Variants in NUDT4 observed in about 807,000 individuals in gnomAD.
NUDT4 encodes the protein diphosphoinositol polyphosphate phosphohydrolase 2.
Under a neutral mutation model 23.1 loss-of-function variants are expected in NUDT4, and 5 were observed. The observed-to-expected ratio is 0.22, with a 90% CI of 0.11 to 0.46. The LOEUF (loss-of-function observed/expected upper bound fraction) is 0.46. Ranked by LOEUF, NUDT4 falls within the 20% of genes least tolerant of loss-of-function variation. The probability of loss-of-function intolerance (pLI) is 0.99; values close to 1 mark genes in which losing one functional copy is unlikely to be tolerated. For synonymous variants in NUDT4, 50 were observed against 79.0 expected (o/e 0.63, Z 1.95); for missense variants, 96 against 211.6 (o/e 0.45, Z 3.39).
chr12:93,390,553 C>G (rs1197667917), intron 1 of NUDT4, among the ~76,000 whole-genome samples: 2 of 151,796 alleles, frequency 1.3e-5, no homozygotes, highest in African/African-American at 4.9e-5. Flanking sequence ...TTTTAATTTT[C>G]TTTTTCTAAT....
Position 93,378,333 on chromosome 12 carries a change from T to G in NUDT4, c.11T>G (p.Phe4Cys). 6.7e-7 allele frequency: 1 copy of G among 1,483,572 alleles called. No individual in the cohort carries two copies. Among genetic ancestry groups the G allele is most frequent in the Non-Finnish European group, 9.1e-7 (1 of 1,099,756 alleles). The allele number at this position is 1,483,572 out of a possible 1,614,324, so 91.9% of individuals were successfully genotyped here. The change falls in exon 1 of 5, where the codon TTC becomes TGC. Residue 4 changes from phenylalanine (F) to cysteine (C), a missense_variant. Coordinates refer to ENST00000415493, the MANE Select transcript of NUDT4 (RefSeq NM_019094.6). ...CAGGAGCCCGCCTCTATGATGAAGTTCAAGCCCAACCAGACGCGGACCTAC... is the reference window on the plus strand; with the variant it reads ...CAGGAGCCCGCCTCTATGATGAAGTGCAAGCCCAACCAGACGCGGACCTAC... MMK[F>C]KPNQTRTYDR...
chr12:93,394,758 TA>T (rs1645645892), intron 2 of NUDT4, 39 bp downstream of exon 2: 2 of 1,316,074 alleles, frequency 1.5e-6, no homozygotes, highest in Admixed American at 3.9e-5. Flanking sequence ...TTCGGAGTTT[TA>T]AAAACAAGGC....
chr12:93,393,158 A>C (rs1192498389), intron 1 of NUDT4, among the ~76,000 whole-genome samples: 2 of 128,346 alleles, frequency 1.6e-5, no homozygotes, highest in African/African-American at 6.2e-5. Context: ...GCAGTGGTGC[A>C]ATCTCTGCTC....
At position 93,399,568 on chromosome 12, in the gene NUDT4, A is replaced by G; in HGVS notation, c.*189A>G. ...AAAAAATAGTGTAAAATATTTTAAT[A>G]AGCCAAAGCCATGTGGAATTTTTGT... On this transcript the variant is annotated 3_prime_UTR_variant, in exon 5 of 5. Transcript: ENST00000415493. 3.3e-6 allele frequency: 1 copy of G among 305,780 alleles called. No homozygotes were observed. Among genetic ancestry groups the G allele is most frequent in the East Asian group, 5.9e-5 (1 of 16,818 alleles). 18.9% of individuals were successfully genotyped at this position (305,780 alleles called of 1,614,324 possible). A position where few individuals can be genotyped will look rare whatever the true frequency, so the allele number is the denominator to read the frequency against.
Position 93,407,934 on chromosome 12 carries a change from C to T in NUDT4, c.*8555C>T, listed in dbSNP as rs552227686. The T allele has an allele frequency of 6.6e-6, 1 of 152,266 alleles. No homozygotes were observed. Among genetic ancestry groups the T allele is most frequent in the East Asian group, 1.9e-4 (1 of 5,168 alleles). The allele number at this position is 152,266 out of a possible 1,614,324, so 9.4% of individuals were successfully genotyped here. ...AACTGCAAAGGAAAAAAATATGATA[C>T]CATGAAATTAGAAATTCACTGCATT... On this transcript the variant is annotated 3_prime_UTR_variant, in exon 5 of 5. Coordinates refer to ENST00000415493, the MANE Select transcript of NUDT4 (RefSeq NM_019094.6).
At chr12:93,383,818 C>G (rs749551854) in intron 1 of NUDT4, among the ~76,000 whole-genome samples, 2 of 152,136 alleles carry the variant, frequency 1.3e-5, no homozygotes, top group African/African-American at 2.4e-5. Context: ...GGCGACAGAG[C>G]GAGACAGCGT....
At chr12:93,389,832 G>A (rs971534069) in intron 1 of NUDT4, among the ~76,000 whole-genome samples, 1 of 151,878 alleles carries the variant, frequency 6.6e-6, no homozygotes, top group Non-Finnish European at 1.5e-5. Context: ...CCAAGGAGGC[G>A]GAGGTTGCAG....
In NUDT4 at chr12:93,404,239, G is replaced by C. The variant is rs922837902; in HGVS notation, c.*4860G>C. The C allele has an allele frequency of 6.6e-6, 1 of 152,168 alleles. No homozygotes were observed. Among genetic ancestry groups the C allele is most frequent in the Admixed American group, 6.5e-5 (1 of 15,282 alleles). 9.4% of individuals were successfully genotyped at this position (152,168 alleles called of 1,614,324 possible). ...ACGTATCTACGGGAATGTGGACAAA[G>C]ACATATACCAAGACAAGGCACTAGA... On this transcript the variant is annotated 3_prime_UTR_variant, in exon 5 of 5. Transcript: ENST00000415493.
At chr12:93,397,028 A>G (rs1246038333) in intron 3 of NUDT4, among the ~76,000 whole-genome samples, 1 of 152,246 alleles carries the variant, frequency 6.6e-6, no homozygotes, top group Non-Finnish European at 1.5e-5. Context: ...AGGTGTTTGA[A>G]GAAAATGTCT....
intron 1 of NUDT4, among the ~76,000 whole-genome samples, chr12:93,384,533 T>C (rs1875926533): frequency 6.6e-6 from 1 of 152,076 alleles, no homozygotes. Flanking sequence ...ACACATAAAA[T>C]ACACTAACAT....
At chr12:93,383,754 C>T (rs1318876430) in intron 1 of NUDT4, among the ~76,000 whole-genome samples, 1 of 152,192 alleles carries the variant, frequency 6.6e-6, no homozygotes, top group Admixed American at 6.5e-5. Flanking sequence ...ATCCCTTGAA[C>T]CCAGGAGGCG....
Position 93,399,629 on chromosome 12 carries a change from CT to C in NUDT4, c.*251del, listed in dbSNP as rs1294875216. The C allele has an allele frequency of 1.1e-5, 2 of 182,684 alleles. No individual in the cohort carries two copies. The highest frequency in any genetic ancestry group is 2.2e-5 in the Non-Finnish European group (2 of 92,488). The allele number at this position is 182,684 out of a possible 1,614,324, so 11.3% of individuals were successfully genotyped here. On this transcript the variant is annotated 3_prime_UTR_variant, in exon 5 of 5. Transcript: ENST00000415493. ...TAACTGTGCCACACCCCACAACCCCCTATATTATTTTGGTTGTCTATTTCTC... is the reference window on the plus strand; with the variant it reads ...TAACTGTGCCACACCCCACAACCCCCATATTATTTTGGTTGTCTATTTCTC...
chr12:93,387,325 ATTGATGATTTTCATTTTCAACAGATT>A (rs1876181193), intron 1 of NUDT4, among the ~76,000 whole-genome samples: 1 of 152,182 alleles, frequency 6.6e-6, no homozygotes, highest in Non-Finnish European at 1.5e-5. Context: ...AAAAATCTAC[ATTGATGATTTTCATTTTCAACAGATT>A]CCAAGTGAAT....
rs1178420957 is a variant in NUDT4 at position 93,400,684 on chromosome 12, A to G, written c.*1305A>G. The G allele has an allele frequency of 5.2e-5, 8 of 152,478 alleles. 1 individual carries two copies. Among genetic ancestry groups the G allele is most frequent in the East Asian group, 1.9e-4 (1 of 5,200 alleles). The allele number at this position is 152,478 out of a possible 1,614,324, so 9.4% of individuals were successfully genotyped here. A position where few individuals can be genotyped will look rare whatever the true frequency, so the allele number is the denominator to read the frequency against. On this transcript the variant is annotated 3_prime_UTR_variant, in exon 5 of 5. Coordinates refer to ENST00000415493, the MANE Select transcript of NUDT4 (RefSeq NM_019094.6). ...GAGTGCAATGGCACAATCTCAACTC[A>G]CCGCAACCTCCGCCTCCCGGGTTCA...
rs527413784 is a variant in NUDT4, at chr12:93,378,473, C to T, written c.99+52C>T. On this transcript the variant is annotated intron_variant, in intron 1 of 4. Coordinates refer to ENST00000415493, the MANE Select transcript of NUDT4 (RefSeq NM_019094.6). Reference sequence around the variant, plus strand: ...CCTCCGGGGCGCCGGGGTCTAGGGCCCGGGTGCTTCCCCTCGCTCCCCGCC... The same window carrying T: ...CCTCCGGGGCGCCGGGGTCTAGGGCTCGGGTGCTTCCCCTCGCTCCCCGCC... The T allele has an allele frequency of 2.7e-6, 4 of 1,465,548 alleles. No homozygotes were observed. In the African/African-American group the frequency reaches 5.8e-5, roughly 21 times the overall value. 90.8% of individuals were successfully genotyped at this position (1,465,548 alleles called of 1,614,324 possible). A position where few individuals can be genotyped will look rare whatever the true frequency, so the allele number is the denominator to read the frequency against.
At chr12:93,398,727 T>C in intron 3 of NUDT4, 44 bp from the exon 4 acceptor site, 1 of 1,356,450 alleles carries the variant, frequency 7.4e-7, no homozygotes, top group South Asian at 1.2e-5. Context: ...TGTCCATGGC[T>C]AGCTCCTGTA....
At chr12:93,386,804 A>G (rs11107006) in intron 1 of NUDT4, among the ~76,000 whole-genome samples, 26,197 of 152,108 alleles carry the variant, frequency 0.17, 2,776 homozygotes, top group East Asian at 0.32. Flanking sequence ...GTATTAGCAG[A>G]TATGTCAAAT....
chr12:93,389,084 G>A (rs905875355), intron 1 of NUDT4, among the ~76,000 whole-genome samples: 1 of 152,188 alleles, frequency 6.6e-6, no homozygotes, highest in African/African-American at 2.4e-5. Context: ...CCAAAAGTTG[G>A]ATATTAGCAC....
rs139819356 is a variant in NUDT4, at chr12:93,391,682, A to G, written c.100-2927A>G. 9.4e-3 allele frequency among the ~76,000 whole-genome samples: 1,434 copies of G among 152,188 alleles called. 11 individuals carry two copies. The highest frequency in any genetic ancestry group is 0.016 in the Non-Finnish European group (1,112 of 68,014). On this transcript the variant is annotated intron_variant, in intron 1 of 4. Transcript: ENST00000415493. ...AGCCCGGGAAGTGAAGGCTGCAGTC[A>G]GCAGAGATTGTGTCACTGCACTCCA...
Sources: gnomAD v4.1 joint callset for allele counts (sites outside exome capture counted in the v4.1 genomes callset) on GRCh38, gnomAD v4.1.1 for gene constraint, MANE v1.5 for transcripts, NCBI Gene and HGNC (gene_info 2026-07-23, HGNC 2026-07-21) for gene names.